Variants in SPRYD7 observed in about 807,000 individuals in gnomAD.
The protein encoded by SPRYD7 is SPRY domain containing 7.
A neutral mutation model predicts 23.8 loss-of-function variants in SPRYD7; 14 were observed. That is an observed-to-expected ratio of 0.59 (90% CI 0.39 to 0.92). The LOEUF is 0.92. Ranked by LOEUF, SPRYD7 falls within the 40% of genes least tolerant of loss-of-function variation. The pLI is 0.00. For synonymous variants in SPRYD7, 75 were observed against 84.9 expected (o/e 0.88, Z 0.64); for missense variants, 194 against 241.7 (o/e 0.80, Z 1.31).
At chr13:49,918,603 C>T (rs1955779236) in intron 4 of SPRYD7, among the ~76,000 whole-genome samples, 2 of 151,746 alleles carry the variant, frequency 1.3e-5, no homozygotes, top group African/African-American at 2.4e-5. Context: ...GTCTTGAACT[C>T]CAGACCTCAA....
intron 4 of SPRYD7, among the ~76,000 whole-genome samples, chr13:49,917,092 T>G (rs189475971): frequency 1.2e-4 from 18 of 152,272 alleles, no homozygotes; most frequent in South Asian, 4.2e-4. Flanking sequence ...ACTTTGTTTT[T>G]TTTTGTTTTG....
Position 49,915,064 on chromosome 13 carries a change from C to G in SPRYD7, c.590G>C (p.Ter197SerextTer13). The change falls in exon 5 of 5, where the codon TGA becomes TCA. Residue 197 changes from the stop codon to serine, a stop_lost. Coordinates refer to ENST00000361840, the MANE Select transcript of SPRYD7 (RefSeq NM_020456.4). ...TACAAGTTTTAAAAACAAATACATT[C>G]AGAAGATTTGCTGTTCAAATAATAT... ...EKILFEQQIF[*>S] 6.5e-7 allele frequency: 1 copy of G among 1,534,814 alleles called. No homozygotes were observed. The highest frequency in any genetic ancestry group is 8.8e-7 in the Non-Finnish European group (1 of 1,130,232).
At chr13:49,936,032 G>A in intron 1 of SPRYD7, 98 bp downstream of exon 1, 1 of 607,544 alleles carries the variant, frequency 1.6e-6, no homozygotes, top group Non-Finnish European at 2.5e-6. Context: ...TCGCCGGCGC[G>A]GCGGGGCAGC....
chr13:49,931,176 C>A, intron 1 of SPRYD7, 42 bp from the exon 2 acceptor site: 4 of 1,171,318 alleles, frequency 3.4e-6, no homozygotes, highest in East Asian at 2.6e-5. Context: ...TTTGTATTTT[C>A]TTTTCTTTTC....
intron 2 of SPRYD7, 111 bp from the exon 3 acceptor site, chr13:49,928,196 G>T: frequency 3.3e-6 from 3 of 913,620 alleles, no homozygotes; most frequent in Non-Finnish European, 4.8e-6. Context: ...ACACTAAATT[G>T]TTTTCTATTA....
chr13:49,936,224 C>T lies in SPRYD7; in HGVS notation c.12G>A (p.Ser4=), dbSNP rs754087126. MAT[S]VLCCLRCCRD... is the part of the protein sequence containing the mutation. ...TGCAGCACCGCAGGCAGCACAACAC[C>T]GAGGTGGCCATCGCGCAGGGACCAC... Residue 4 remains serine (S), a synonymous_variant, in exon 1 of 5, where the codon TCG becomes TCA. Transcript: ENST00000361840. 1 of 1,603,840 alleles carries T rather than the reference C, an allele frequency of 6.2e-7. No homozygotes were observed. The highest frequency in any genetic ancestry group is 1.7e-5 in the Admixed American group (1 of 59,394).
At chr13:49,921,267 T>G (rs993476178) in intron 4 of SPRYD7, among the ~76,000 whole-genome samples, 1 of 152,188 alleles carries the variant, frequency 6.6e-6, no homozygotes, top group Admixed American at 6.6e-5. Flanking sequence ...TATTGCCATG[T>G]GAAGAAGGAT....
chr13:49,928,972 C>A (rs1179287077), intron 2 of SPRYD7, among the ~76,000 whole-genome samples: 1 of 151,922 alleles, frequency 6.6e-6, no homozygotes, highest in Non-Finnish European at 1.5e-5. Context: ...ATTTTCTTAC[C>A]CAGTATTTTA....
rs771688660 is a variant in SPRYD7, at chr13:49,931,011, T to C, written c.223+7A>G. The stretch of plus-strand genomic sequence containing the variant: ...GACTTTTAATAGTAAAGTACCATTA[T>C]ACCAACCTGTGGACTGGATTTTGAA... On this transcript the variant is annotated splice_region_variant and intron_variant, in intron 2 of 4. Transcript: ENST00000361840. 2 of 1,581,118 alleles carry C rather than the reference T, an allele frequency of 1.3e-6. No individual in the cohort carries two copies. The highest frequency in any genetic ancestry group is 2.2e-5 in the East Asian group (1 of 44,600).
chr13:49,919,028 A>C (rs898057499), intron 4 of SPRYD7, among the ~76,000 whole-genome samples: 2 of 151,962 alleles, frequency 1.3e-5, no homozygotes, highest in Non-Finnish European at 2.9e-5. Flanking sequence ...ATTAGTTCTT[A>C]TTATAACCCA....
At chr13:49,936,081 G>A in intron 1 of SPRYD7, 49 bp downstream of exon 1, 2 of 1,269,600 alleles carry the variant, frequency 1.6e-6, no homozygotes, top group East Asian at 3.9e-5. Context: ...CCTGCCCGCC[G>A]CGCCCGGCCC....
intron 1 of SPRYD7, among the ~76,000 whole-genome samples, chr13:49,934,229 T>C (rs965570768): frequency 4.6e-5 from 7 of 152,072 alleles, no homozygotes; most frequent in African/African-American, 1.2e-4. Flanking sequence ...TCCTCTGTGA[T>C]TGAATAATTT....
At chr13:49,916,340 ATACTT>A (rs1555316047) in intron 4 of SPRYD7, among the ~76,000 whole-genome samples, 56 of 152,322 alleles carry the variant, frequency 3.7e-4, no homozygotes, top group Non-Finnish European at 1.5e-5. Flanking sequence ...ACATTACTAT[ATACTT>A]TATATTTCAG....
Position 49,921,460 on chromosome 13 carries a change from A to C in SPRYD7, c.493+18T>G, listed in dbSNP as rs1403021930. On this transcript the variant is annotated intron_variant, in intron 4 of 4. Coordinates refer to ENST00000361840, the MANE Select transcript of SPRYD7 (RefSeq NM_020456.4). ...GTTAATATGTATGTAATAATACATT[A>C]GAAATATTTTTGCTTACCATAAACA... 37 of 1,457,456 alleles carry C rather than the reference A, an allele frequency of 2.5e-5. No homozygotes were observed. The highest frequency in any genetic ancestry group is 3.3e-5 in the Admixed American group (2 of 59,804). 90.3% of individuals were successfully genotyped at this position (1,457,456 alleles called of 1,614,324 possible).
rs372780605 is a variant in SPRYD7, at chr13:49,921,479, A to G, written c.492T>C (p.Tyr164=). 19 of 1,602,636 alleles carry G rather than the reference A, an allele frequency of 1.2e-5. No individual in the cohort carries two copies. Among genetic ancestry groups the G allele is most frequent in the Non-Finnish European group, 1.4e-5 (16 of 1,169,980 alleles). The change falls in exon 4 of 5, where the codon TAT becomes TAC. Residue 164 remains tyrosine (Y), a splice_region_variant and synonymous_variant. Coordinates refer to ENST00000361840, the MANE Select transcript of SPRYD7 (RefSeq NM_020456.4). ...GIRGTVYPVV[Y]VDDSAILDCQ... is the part of the protein sequence containing the mutation. Reference sequence around the variant, plus strand: ...TACATTAGAAATATTTTTGCTTACCATAAACAACTGGATACACTGTCCCTC... The same window carrying G: ...TACATTAGAAATATTTTTGCTTACCGTAAACAACTGGATACACTGTCCCTC...
chr13:49,933,771 C>A (rs1026967809), intron 1 of SPRYD7, among the ~76,000 whole-genome samples: 1 of 152,002 alleles, frequency 6.6e-6, no homozygotes, highest in Non-Finnish European at 1.5e-5. Context: ...TTGAGTACAG[C>A]CAGAATGCCA....
chr13:49,923,387 G>A (rs1955841565), intron 3 of SPRYD7, among the ~76,000 whole-genome samples: 1 of 152,096 alleles, frequency 6.6e-6, no homozygotes, highest in Non-Finnish European at 1.5e-5. Flanking sequence ...GGGATTACAG[G>A]CGCCCGCCAC....
chr13:49,926,031 C>T (rs1955879480), intron 3 of SPRYD7, among the ~76,000 whole-genome samples: 1 of 152,154 alleles, frequency 6.6e-6, no homozygotes. Context: ...GTCTTATAAT[C>T]CATTCTACTT....
rs1458511963 is a variant in SPRYD7, at chr13:49,913,447, GA to G, written c.*1615del. The G allele has an allele frequency of 6.8e-6, 1 of 146,028 alleles. No homozygotes were observed. The highest frequency in any genetic ancestry group is 1.5e-5 in the Non-Finnish European group (1 of 67,282). 9.0% of individuals were successfully genotyped at this position (146,028 alleles called of 1,614,324 possible). ...AAAAAAAACGAGAAAAAAAAAAAAA[GA>G]AAGAAAACCACTTTCCCTGATACTT... On this transcript the variant is annotated 3_prime_UTR_variant, in exon 5 of 5. Coordinates refer to ENST00000361840, the MANE Select transcript of SPRYD7 (RefSeq NM_020456.4).
Sources: allele counts gnomAD v4.1 joint callset (sites outside exome capture counted in the v4.1 genomes callset), GRCh38; gene constraint gnomAD v4.1.1; transcripts MANE v1.5; gene names NCBI Gene and HGNC (gene_info 2026-07-23, HGNC 2026-07-21).